The following AOPEP variants were observed in gnomAD, a reference collection of about 807,000 sequenced individuals.
The protein encoded by AOPEP is aminopeptidase O.
Under a neutral mutation model 98.1 loss-of-function variants are expected in AOPEP, and 77 were observed. The ratio of observed to expected loss-of-function variants is 0.78; its 90% confidence interval spans 0.65 to 0.95. AOPEP has a LOEUF of 0.95. Among genes scored for constraint, AOPEP ranks in the 40% least tolerant of loss-of-function variants. AOPEP has a pLI of 0.00. For synonymous variants in AOPEP, 346 were observed against 365.3 expected (o/e 0.95, Z 0.60); for missense variants, 1,024 against 1,024.7 (o/e 1.00, Z 0.01).
At chr9:95,134,668 A>G in the AOPEP span, among the ~76,000 whole-genome samples, 16 of 152,202 alleles carry the variant, frequency 1.1e-4, no homozygotes, top group Admixed American at 9.2e-4. Context: ...TCCTTACAAA[A>G]TGTGCTCCAA....
intron 7 of AOPEP, among the ~76,000 whole-genome samples, chr9:94,943,795 C>T (rs1006360314): frequency 7.9e-5 from 12 of 150,996 alleles, no homozygotes; most frequent in African/African-American, 2.4e-4. Context: ...TGGCACGCAC[C>T]TGTAATCCCA....
chr9:95,058,328 G>A (rs993589116), intron 13 of AOPEP, among the ~76,000 whole-genome samples: 5 of 152,164 alleles, frequency 3.3e-5, no homozygotes, highest in Non-Finnish European at 7.4e-5. Context: ...CTAACAGTAG[G>A]CTTCTTTGTA....
intron 6 of AOPEP, among the ~76,000 whole-genome samples, 194 bp downstream of exon 6, chr9:94,924,369 G>C (rs1342289786): frequency 6.6e-6 from 1 of 152,176 alleles, no homozygotes; most frequent in African/African-American, 2.4e-5. Context: ...GGGAGAGAGA[G>C]TAGACAAGTG....
intron 5 of AOPEP, among the ~76,000 whole-genome samples, chr9:94,858,536 G>A (rs1195739135): frequency 6.6e-6 from 1 of 152,156 alleles, no homozygotes; most frequent in Non-Finnish European, 1.5e-5. Context: ...GCTTCTGGTG[G>A]CCACTGATGT....
In AOPEP at chr9:94,824,941, A is replaced by G. The variant is rs892578215; in HGVS notation, c.1364+23939A>G. Among the ~76,000 whole-genome samples, 4 of 150,860 alleles carry G rather than the reference A, an allele frequency of 2.7e-5. No homozygotes were observed. In the South Asian group the frequency reaches 8.4e-4, roughly 32 times the overall value. On this transcript the variant is annotated intron_variant, in intron 5 of 16. Coordinates refer to ENST00000375315, the MANE Select transcript of AOPEP (RefSeq NM_001193329.3). The stretch of plus-strand genomic sequence containing the variant: ...TGTTTTTAATGGCACCAAAATTAAC[A>G]TGGCTGTTTCAATTTAACAGAAACA...
At chr9:95,110,875 C>T in the AOPEP span, 1 of 1,217,112 alleles carries the variant, frequency 8.2e-7, no homozygotes, top group Non-Finnish European at 1.0e-6. Context: ...TTGCCACAGA[C>T]AGTTATCCAG....
At chr9:94,831,701 C>A (rs61446634) in intron 5 of AOPEP, among the ~76,000 whole-genome samples, 1 of 151,866 alleles carries the variant, frequency 6.6e-6, no homozygotes, top group Admixed American at 6.6e-5. Flanking sequence ...GAATGTTTTT[C>A]CATTTGTTTG....
intron 5 of AOPEP, among the ~76,000 whole-genome samples, chr9:94,833,885 G>T (rs1265773608): frequency 2.7e-5 from 4 of 150,736 alleles, no homozygotes; most frequent in African/African-American, 9.7e-5. Flanking sequence ...TTAAGTAATG[G>T]TAGAATGAGA....
Position 94,884,869 on chromosome 9 carries a change from C to T in AOPEP, c.1365-39117C>T, listed in dbSNP as rs370617948. Among the ~76,000 whole-genome samples, 31 of 149,978 alleles carry T rather than the reference C, an allele frequency of 2.1e-4. No homozygotes were observed. In the East Asian group the frequency reaches 2.8e-3, roughly 13 times the overall value. On this transcript the variant is annotated intron_variant, in intron 5 of 16. Transcript: ENST00000375315. Reference sequence around the variant, plus strand: ...ATTAAAAATATAAAAATTAGCTGGGCGTGGTGGCGGGCGCCTGTAGTCCCA... The same window carrying T: ...ATTAAAAATATAAAAATTAGCTGGGTGTGGTGGCGGGCGCCTGTAGTCCCA...
intron 5 of AOPEP, among the ~76,000 whole-genome samples, chr9:94,900,652 T>C (rs2050270603): frequency 6.6e-6 from 1 of 152,220 alleles, no homozygotes; most frequent in African/African-American, 2.4e-5. Context: ...CTACCATCTT[T>C]GGAACAGGAT....
At chr9:95,007,184 G>A (rs980050352) in intron 13 of AOPEP, among the ~76,000 whole-genome samples, 25 of 152,134 alleles carry the variant, frequency 1.6e-4, no homozygotes, top group Non-Finnish European at 5.9e-5. Context: ...ACAGGCGTGA[G>A]CCACTGCACC....
chr9:95,019,262 G>T (rs1001928543), intron 13 of AOPEP: 6 of 152,172 alleles, frequency 3.9e-5, no homozygotes, highest in African/African-American at 1.4e-4. Context: ...TGTTTTATTT[G>T]CCACTCTCTT....
chr9:94,928,590 C>T lies in AOPEP; in HGVS notation c.1661+59C>T, dbSNP rs1354464716. On this transcript the variant is annotated intron_variant, in intron 7 of 16. Transcript: ENST00000375315. ...TCCCCTCCTTCTTTCCTTCAAGACA[C>T]CTCCCTGCCAACTGATGACATCTGC... 4 of 1,219,090 alleles carry T rather than the reference C, an allele frequency of 3.3e-6. No individual in the cohort carries two copies. The African/African-American group carries it at 6.0e-5, about 18-fold the overall frequency. The allele number at this position is 1,219,090 out of a possible 1,614,324, so 75.5% of individuals were successfully genotyped here.
At chr9:94,945,955 A>G (rs1195899649) in intron 7 of AOPEP, among the ~76,000 whole-genome samples, 1 of 152,128 alleles carries the variant, frequency 6.6e-6, no homozygotes, top group Admixed American at 6.5e-5. Flanking sequence ...GTTATGGCTG[A>G]GTCACTATGA....
rs1320033545 is a variant in AOPEP, at chr9:95,087,135, AAATGT to A, written c.*463_*467del. On this transcript the variant is annotated 3_prime_UTR_variant, in exon 17 of 17. Coordinates refer to ENST00000375315, the MANE Select transcript of AOPEP (RefSeq NM_001193329.3). Reference sequence around the variant, plus strand: ...TGAGAATCTAAGATATATTATTAATAAATGTAATGGATTTTTTTTTTGTATACGTG... The same window carrying A: ...TGAGAATCTAAGATATATTATTAATAAATGGATTTTTTTTTTGTATACGTG... 6.0e-6 allele frequency: 1 copy of A among 165,980 alleles called. No homozygotes were observed. The highest frequency in any genetic ancestry group is 1.2e-5 in the Non-Finnish European group (1 of 80,672). The allele number at this position is 165,980 out of a possible 1,614,324, so 10.3% of individuals were successfully genotyped here.
At position 94,930,253 on chromosome 9, in the gene AOPEP, T is replaced by C. The variant is rs997860397; in HGVS notation, c.1661+1722T>C. ...GTGGAACGGGCAGGTCTTTGGTTGA[T>C]TGAATGTGGAGAAGAGGAAAATGAG... On this transcript the variant is annotated intron_variant, in intron 7 of 16. Transcript: ENST00000375315. This position sits in a 1 kb window ranked among gnomAD's most constrained non-coding sequence, Gnocchi z 4.5. 3.3e-5 allele frequency among the ~76,000 whole-genome samples: 5 copies of C among 152,100 alleles called. No individual in the cohort carries two copies. The highest frequency in any genetic ancestry group is 9.7e-5 in the African/African-American group (4 of 41,406).
chr9:94,911,853 TTTAAC>T (rs1241789547), intron 5 of AOPEP, among the ~76,000 whole-genome samples: 1 of 152,188 alleles, frequency 6.6e-6, no homozygotes, highest in Non-Finnish European at 1.5e-5. Flanking sequence ...TTTGTCTGTT[TTTAAC>T]TTTTCATTGC....
intron 13 of AOPEP, among the ~76,000 whole-genome samples, chr9:95,054,302 A>C (rs1386913647): frequency 6.6e-6 from 1 of 152,200 alleles, no homozygotes; most frequent in Non-Finnish European, 1.5e-5. Context: ...GGAGGTGGAC[A>C]CAAGGATCCC....
chr9:94,917,871 T>G (rs1005331722), intron 5 of AOPEP, among the ~76,000 whole-genome samples: 1 of 152,206 alleles, frequency 6.6e-6, no homozygotes, highest in Non-Finnish European at 1.5e-5. Context: ...TTCCCTCATC[T>G]TTCTATCTGC....
Sources: allele counts gnomAD v4.1 joint callset (sites outside exome capture counted in the v4.1 genomes callset), GRCh38; gene constraint gnomAD v4.1.1; non-coding constraint Gnocchi (gnomAD v3.1); transcripts MANE v1.5; gene names NCBI Gene and HGNC (gene_info 2026-07-23, HGNC 2026-07-21).